The following ZNF385D variants were observed in gnomAD, a reference collection of about 807,000 sequenced individuals.
The protein encoded by ZNF385D is zinc finger protein 659.
A neutral mutation model predicts 35.8 loss-of-function variants in ZNF385D; 15 were observed. The ratio of observed to expected loss-of-function variants is 0.42; its 90% CI spans 0.28 to 0.64. ZNF385D has a LOEUF of 0.64. ZNF385D is among the 30% of genes least tolerant of loss of function. ZNF385D has a pLI of 0.23. For synonymous variants in ZNF385D, 212 were observed against 186.8 expected, an observed-to-expected ratio of 1.13 and a Z score of -1.10; for missense variants, 474 against 494.6, an observed-to-expected ratio of 0.96 and a Z score of 0.39.
intron 1 of ZNF385D, among the ~76,000 whole-genome samples, chr3:21,714,774 T>C (rs2068246962): frequency 1.3e-5 from 2 of 152,360 alleles, no homozygotes; most frequent in Admixed American, 1.3e-4. Context: ...GAGGGTTATC[T>C]ATAATTTCTG....
intron 4 of ZNF385D, chr3:21,443,166 C>T: frequency 1.0e-6 from 1 of 985,360 alleles, no homozygotes; most frequent in Non-Finnish European, 1.2e-6. Context: ...CTCCACTTTG[C>T]AGGGTACCTG....
chr3:21,829,489 G>T (rs890428558), intron 3 of ZNF385D, among the ~76,000 whole-genome samples: 1 of 152,108 alleles, frequency 6.6e-6, no homozygotes, highest in Admixed American at 6.5e-5. Context: ...CCCTGACCAT[G>T]CACTTTTGTG....
intron 3 of ZNF385D, among the ~76,000 whole-genome samples, chr3:22,031,494 C>A (rs146988433): frequency 2.0e-4 from 31 of 152,332 alleles, no homozygotes; most frequent in Admixed American, 5.9e-4. Context: ...AAGCCATGGC[C>A]TGAGCTGCAC....
intron 3 of ZNF385D, among the ~76,000 whole-genome samples, chr3:21,547,356 T>A (rs930592322): frequency 6.6e-6 from 1 of 152,266 alleles, no homozygotes. Flanking sequence ...ATTTTTTAGC[T>A]GTTCTTACCC....
In ZNF385D at chr3:22,017,668, A is replaced by T. The variant is rs565095902; in HGVS notation, c.325+151149T>A. 1.1e-4 allele frequency among the ~76,000 whole-genome samples: 17 copies of T among 152,054 alleles called. No homozygotes were observed. In the South Asian group the frequency reaches 2.5e-3, roughly 22 times the overall value. Reference sequence around the variant, plus strand: ...ATTCATCATTTTATAATGCTTTAACAATTAAATTGAATTGTAAAGTGGTTC... The same window carrying T: ...ATTCATCATTTTATAATGCTTTAACTATTAAATTGAATTGTAAAGTGGTTC... On this transcript the variant is annotated intron_variant, in intron 3 of 5. Coordinates refer to the ZNF385D transcript ENST00000494108.
chr3:22,160,093 G>GCTTCTC (rs1705850107), intron 3 of ZNF385D, among the ~76,000 whole-genome samples: 1 of 152,006 alleles, frequency 6.6e-6, no homozygotes, highest in Admixed American at 6.6e-5. Flanking sequence ...AAGGTGCCTT[G>GCTTCTC]CTTCTCCTTT....
intron 3 of ZNF385D, among the ~76,000 whole-genome samples, chr3:21,821,293 T>C (rs1046907732): frequency 5.3e-5 from 8 of 152,026 alleles, no homozygotes; most frequent in Non-Finnish European, 1.2e-4. Flanking sequence ...GAAATGTAAA[T>C]AGTCATAAAT....
intron 4 of ZNF385D, among the ~76,000 whole-genome samples, chr3:21,492,421 A>C (rs1705495889): frequency 7.3e-6 from 1 of 136,998 alleles, no homozygotes; most frequent in Admixed American, 7.4e-5. Context: ...AAACAAGACC[A>C]AAAAAAAAAA....
At chr3:21,563,797 T>TCTGGAACTCTTAGGACTTAACTTCATATC (rs2063043142) in intron 3 of ZNF385D, among the ~76,000 whole-genome samples, 4 of 152,174 alleles carry the variant, frequency 2.6e-5, no homozygotes, top group Non-Finnish European at 5.9e-5. Context: ...GCCTGTCTCT[T>TCTGGAACTCTTAGGACTTAACTTCATATC]CTGGAACTCT....
At chr3:21,819,153 A>G (rs868282170) in intron 3 of ZNF385D, among the ~76,000 whole-genome samples, 3 of 152,014 alleles carry the variant, frequency 2.0e-5, no homozygotes, top group Admixed American at 1.3e-4. Flanking sequence ...TAGTCATGAA[A>G]TGGTGAAAAA....
intron 2 of ZNF385D, among the ~76,000 whole-genome samples, chr3:22,175,755 A>T (rs929764829): frequency 5.3e-5 from 8 of 151,528 alleles, no homozygotes; most frequent in Admixed American, 3.3e-4. Flanking sequence ...TGTATAAATT[A>T]TACATATGCA....
intron 3 of ZNF385D, among the ~76,000 whole-genome samples, chr3:21,877,549 A>T (rs968477546): frequency 1.3e-5 from 2 of 152,114 alleles, no homozygotes; most frequent in Non-Finnish European, 2.9e-5. Context: ...GACTGGTGGT[A>T]ATTGATTCTG....
At chr3:21,717,254 C>A (rs545829234) in intron 1 of ZNF385D, among the ~76,000 whole-genome samples, 2 of 152,098 alleles carry the variant, frequency 1.3e-5, no homozygotes, top group African/African-American at 2.4e-5. Context: ...TACAGTTATG[C>A]CTTTAACTAA....
chr3:21,970,634 G>A (rs1251323484), intron 3 of ZNF385D, among the ~76,000 whole-genome samples: 2 of 151,624 alleles, frequency 1.3e-5, no homozygotes, highest in Non-Finnish European at 2.9e-5. Flanking sequence ...AGAAATTGAG[G>A]TAGAAAGATT....
chr3:22,071,432 C>T (rs1042190974), intron 3 of ZNF385D, among the ~76,000 whole-genome samples: 1 of 152,142 alleles, frequency 6.6e-6, no homozygotes, highest in Non-Finnish European at 1.5e-5. Context: ...CTAGAGGTCA[C>T]TAGGTGATTG....
At chr3:22,178,406 T>C (rs1195141127) in intron 2 of ZNF385D, among the ~76,000 whole-genome samples, 2 of 152,266 alleles carry the variant, frequency 1.3e-5, no homozygotes, top group African/African-American at 4.8e-5. Flanking sequence ...TCTGTGCATA[T>C]CCTTCACCCA....
intron 5 of ZNF385D, among the ~76,000 whole-genome samples, chr3:21,432,591 AT>A (rs1050369421): frequency 6.0e-5 from 9 of 151,152 alleles, no homozygotes; most frequent in East Asian, 1.9e-4. Flanking sequence ...ATTTGGGGGA[AT>A]TTTTTTTTGT....
intron 3 of ZNF385D, among the ~76,000 whole-genome samples, chr3:22,035,449 C>A (rs1037565595): frequency 6.6e-6 from 1 of 152,090 alleles, no homozygotes; most frequent in African/African-American, 2.4e-5. Flanking sequence ...ATCAGTTAAG[C>A]CCAGAGCATA....
chr3:22,247,825 C>T (rs1263870251), intron 2 of ZNF385D, among the ~76,000 whole-genome samples: 1 of 151,722 alleles, frequency 6.6e-6, no homozygotes, highest in Non-Finnish European at 1.5e-5. Context: ...GGATGGTGTT[C>T]ATCTCCTGAG....
Sources: gnomAD v4.1 joint callset for allele counts (sites outside exome capture counted in the v4.1 genomes callset) on GRCh38, gnomAD v4.1.1 for gene constraint, MANE v1.5 for transcripts, NCBI Gene and HGNC (gene_info 2026-07-23, HGNC 2026-07-21) for gene names.